Variants in PDE7A observed in about 807,000 individuals in gnomAD.
PDE7A encodes the protein high affinity 3',5'-cyclic-AMP phosphodiesterase 7A.
Under a neutral mutation model 64.3 loss-of-function variants are expected in PDE7A, and 39 were observed. That is an observed-to-expected ratio of 0.61 (90% CI 0.47 to 0.79). The LOEUF (loss-of-function observed/expected upper bound fraction) is 0.79. Among genes scored for constraint, PDE7A ranks in the 30% least tolerant of loss-of-function variants. The probability of loss-of-function intolerance (pLI) is 0.00; values close to 1 mark genes in which losing one functional copy is unlikely to be tolerated. For missense variants in PDE7A, 470 were observed against 582.8 expected (o/e 0.81, Z 1.99); for synonymous variants, 203 against 206.8 (o/e 0.98, Z 0.16).
At chr8:65,801,114 C>T (rs1454523842) in intron 1 of PDE7A, among the ~76,000 whole-genome samples, 1 of 152,082 alleles carries the variant, frequency 6.6e-6, no homozygotes, top group Non-Finnish European at 1.5e-5. Flanking sequence ...CCAATCCAGC[C>T]TGGGCAACAC....
At chr8:65,747,097 A>G (rs1006576902) in intron 4 of PDE7A, among the ~76,000 whole-genome samples, 6 of 152,244 alleles carry the variant, frequency 3.9e-5, no homozygotes, top group Admixed American at 6.5e-5. Flanking sequence ...TAACTATGAT[A>G]CATCTAAACC....
At chr8:65,787,433 A>G (rs1809588583) in intron 1 of PDE7A, among the ~76,000 whole-genome samples, 1 of 152,198 alleles carries the variant, frequency 6.6e-6, no homozygotes, top group African/African-American at 2.4e-5. Flanking sequence ...TGTGAAGTCA[A>G]TTTCCTCTGA....
intron 1 of PDE7A, among the ~76,000 whole-genome samples, chr8:65,824,745 T>C (rs1810627544): frequency 1.3e-5 from 2 of 152,176 alleles, no homozygotes; most frequent in Non-Finnish European, 2.9e-5. Flanking sequence ...TTAAAGTGTG[T>C]ACATTGTTTT....
At chr8:65,795,207 T>C (rs1300973913) in intron 1 of PDE7A, among the ~76,000 whole-genome samples, 1 of 152,226 alleles carries the variant, frequency 6.6e-6, no homozygotes, top group Admixed American at 6.5e-5. Flanking sequence ...TGCAGGACTT[T>C]GATCCTTGAG....
In PDE7A at chr8:65,717,570, T is replaced by G. The variant is rs1443860751; in HGVS notation, c.*1720A>C. ...CATTAGTAGATAAGCTCGGACTGAG[T>G]AAACATCTGAGGGATGAATTACAAG... On this transcript the variant is annotated 3_prime_UTR_variant, in exon 13 of 13. Transcript: ENST00000401827. The G allele has an allele frequency of 6.6e-6, 1 of 152,230 alleles. No homozygotes were observed. Among genetic ancestry groups the G allele is most frequent in the African/African-American group, 2.4e-5 (1 of 41,468 alleles). 9.4% of individuals were successfully genotyped at this position (152,230 alleles called of 1,614,324 possible). A position where few individuals can be genotyped will look rare whatever the true frequency, so the allele number is the denominator to read the frequency against.
intron 3 of PDE7A, among the ~76,000 whole-genome samples, chr8:65,768,095 G>A (rs1808886353): frequency 6.6e-6 from 1 of 152,192 alleles, no homozygotes; most frequent in African/African-American, 2.4e-5. Flanking sequence ...TGTGTTGGGA[G>A]AAACCCCTCC....
At chr8:65,736,218 TGA>T (rs1278190942) in intron 6 of PDE7A, among the ~76,000 whole-genome samples, 1 of 152,118 alleles carries the variant, frequency 6.6e-6, no homozygotes, top group African/African-American at 2.4e-5. Flanking sequence ...ACAAGCACTG[TGA>T]TACCAACATG....
At chr8:65,730,171 C>CTTT (rs1179431555) in intron 7 of PDE7A, among the ~76,000 whole-genome samples, 3,299 of 86,188 alleles carry the variant, frequency 0.038, 719 homozygotes, top group East Asian at 0.31. Flanking sequence ...TTGCGCACTT[C>CTTT]TTTTTTTTTT....
chr8:65,837,965 G>A (rs896566351), intron 1 of PDE7A, among the ~76,000 whole-genome samples: 2 of 150,674 alleles, frequency 1.3e-5, no homozygotes, highest in Non-Finnish European at 2.9e-5. Context: ...TTTTCTCAAC[G>A]CATAACACAA....
intron 1 of PDE7A, among the ~76,000 whole-genome samples, chr8:65,793,986 G>T (rs1809770020): frequency 6.6e-6 from 1 of 152,180 alleles, no homozygotes; most frequent in Non-Finnish European, 1.5e-5. Flanking sequence ...TAGAACAAAT[G>T]ACTTTCAAGG....
At chr8:65,799,332 C>A (rs1809935132) in intron 1 of PDE7A, among the ~76,000 whole-genome samples, 1 of 151,786 alleles carries the variant, frequency 6.6e-6, no homozygotes, top group Admixed American at 6.6e-5. Flanking sequence ...TTGGGAGCAA[C>A]AAGAGGGTTG....
rs80355475 is a variant in PDE7A at position 65,734,780 on chromosome 8, T to C, written c.696+14A>G. 0.021 allele frequency: 29,882 copies of C among 1,426,550 alleles called. 384 individuals are homozygous for C. Among genetic ancestry groups the C allele is most frequent in the South Asian group, 0.036 (3,085 of 85,388 alleles). 88.4% of individuals were successfully genotyped at this position (1,426,550 alleles called of 1,614,324 possible). On this transcript the variant is annotated intron_variant, in intron 7 of 12. Transcript: ENST00000401827. Reference sequence around the variant, plus strand: ...TCTTATGATTTTCACCTGAAATCAATGTCAACCTCTTACCTTAGGTTCCTT... The same window carrying C: ...TCTTATGATTTTCACCTGAAATCAACGTCAACCTCTTACCTTAGGTTCCTT...
At chr8:65,791,051 A>G (rs1158561917) in intron 1 of PDE7A, among the ~76,000 whole-genome samples, 10 of 152,188 alleles carry the variant, frequency 6.6e-5, no homozygotes, top group Admixed American at 6.5e-5. Context: ...CCACCTTCAC[A>G]TTTCTCTTCC....
At chr8:65,720,528 G>C (rs1204262152) in intron 12 of PDE7A, 5 of 154,036 alleles carry the variant, frequency 3.2e-5, no homozygotes, top group African/African-American at 1.2e-4. Flanking sequence ...AGTTATATAT[G>C]GTCTGATGGC....
At chr8:65,751,762 G>C (rs1214016144) in intron 3 of PDE7A, among the ~76,000 whole-genome samples, 5 of 152,124 alleles carry the variant, frequency 3.3e-5, no homozygotes, top group African/African-American at 1.2e-4. Flanking sequence ...AAAATGCTGG[G>C]ATTACAGGCG....
chr8:65,788,481 T>G (rs1274521029), intron 1 of PDE7A, among the ~76,000 whole-genome samples: 2 of 152,174 alleles, frequency 1.3e-5, no homozygotes, highest in Non-Finnish European at 1.5e-5. Flanking sequence ...TTATAATTGT[T>G]TAGAAATCCT....
At chr8:65,815,476 A>G (rs990932478) in intron 1 of PDE7A, among the ~76,000 whole-genome samples, 4 of 152,220 alleles carry the variant, frequency 2.6e-5, no homozygotes, top group Non-Finnish European at 5.9e-5. Context: ...GCAAAAGATA[A>G]GCAAAACTAA....
At chr8:65,809,374 T>C (rs1327372568) in intron 1 of PDE7A, among the ~76,000 whole-genome samples, 2 of 151,974 alleles carry the variant, frequency 1.3e-5, no homozygotes, top group Non-Finnish European at 2.9e-5. Flanking sequence ...GCTTTGAAGA[T>C]CTTTGTATCA....
chr8:65,790,607 T>C (rs1809674462), intron 1 of PDE7A, among the ~76,000 whole-genome samples: 2 of 152,218 alleles, frequency 1.3e-5, no homozygotes, highest in African/African-American at 4.8e-5. Context: ...TCTAGGCTTG[T>C]CAAAATGAAG....
Sources: gnomAD v4.1 joint callset for allele counts (sites outside exome capture counted in the v4.1 genomes callset) on GRCh38, gnomAD v4.1.1 for gene constraint, MANE v1.5 for transcripts, NCBI Gene and HGNC (gene_info 2026-07-23, HGNC 2026-07-21) for gene names.